The following FHIP1A variants were observed in gnomAD, a reference collection of about 807,000 sequenced individuals.
FHIP1A encodes the protein FHF complex subunit HOOK-interacting protein 1A.
A neutral mutation model predicts 88.6 loss-of-function variants in FHIP1A; 61 were observed. The observed-to-expected ratio is 0.69, with a 90% CI of 0.56 to 0.85. The LOEUF (loss-of-function observed/expected upper bound fraction) is 0.85. FHIP1A is among the 40% of genes least tolerant of loss of function. The pLI, the probability that FHIP1A is intolerant of heterozygous loss-of-function variation, is 0.00. For synonymous variants in FHIP1A, 478 were observed against 496.0 expected (o/e 0.96, Z 0.48); for missense variants, 1,154 against 1,273.5 (o/e 0.91, Z 1.43).
chr4:151,659,754 C>A (rs575079263), intron 13 of FHIP1A, among the ~76,000 whole-genome samples: 33 of 152,304 alleles, frequency 2.2e-4, no homozygotes, highest in South Asian at 1.0e-3. Context: ...ATTATGCAGG[C>A]CCTGCATTCC....
intron 3 of FHIP1A, among the ~76,000 whole-genome samples, chr4:151,501,562 T>G (rs1730648955): frequency 6.6e-6 from 1 of 151,838 alleles, no homozygotes; most frequent in Non-Finnish European, 1.5e-5. Context: ...AAAGAAATTT[T>G]TTTGTTTTCT....
intron 3 of FHIP1A, among the ~76,000 whole-genome samples, chr4:151,521,746 A>T (rs1731454915): frequency 6.6e-6 from 1 of 151,988 alleles, no homozygotes; most frequent in Non-Finnish European, 1.5e-5. Flanking sequence ...TTTATTCAAG[A>T]CAGGGTCTTG....
chr4:151,461,472 C>G (rs1729139314), intron 2 of FHIP1A, among the ~76,000 whole-genome samples: 1 of 151,934 alleles, frequency 6.6e-6, no homozygotes, highest in Non-Finnish European at 1.5e-5. Context: ...TTTCAAATAG[C>G]TAGAAGGTAA....
chr4:151,547,075 G>A (rs993111831), intron 3 of FHIP1A, among the ~76,000 whole-genome samples: 1 of 152,096 alleles, frequency 6.6e-6, no homozygotes, highest in Non-Finnish European at 1.5e-5. Flanking sequence ...ACTGCTACTC[G>A]GAAACCAGGA....
intron 2 of FHIP1A, among the ~76,000 whole-genome samples, chr4:151,455,725 A>G (rs1728944467): frequency 6.6e-6 from 1 of 152,204 alleles, no homozygotes; most frequent in African/African-American, 2.4e-5. Context: ...TATTACACAG[A>G]ATATAGCACT....
intron 13 of FHIP1A, among the ~76,000 whole-genome samples, chr4:151,661,626 T>C (rs554378491): frequency 6.6e-6 from 1 of 152,196 alleles, no homozygotes; most frequent in East Asian, 1.9e-4. Flanking sequence ...GAGGAAGACA[T>C]AAATAATTCC....
At chr4:151,633,749 C>T (rs1736243485) in intron 8 of FHIP1A, among the ~76,000 whole-genome samples, 1 of 151,840 alleles carries the variant, frequency 6.6e-6, no homozygotes, top group South Asian at 2.1e-4. Flanking sequence ...TGACAAATTC[C>T]ACACCCTTTC....
Position 151,638,738 on chromosome 4 carries a change from T to C in FHIP1A, c.1208T>C (p.Met403Thr). ...TLIGLHCEDV[M>T]LQLVLRYLIP... ...ATTGGTTTACATTGTGAAGATGTGA[T>C]GTTACAGCTAGTTCTAAGGTGAGTT... The change falls in exon 9 of 14, where the codon ATG becomes ACG. Residue 403 changes from methionine (M) to threonine (T), a missense_variant. Physicochemically the swap from Met to Thr is moderately conservative, Grantham distance 81 (BLOSUM62 -1). Transcript: ENST00000435205. 1 of 1,548,710 alleles carries C rather than the reference T, an allele frequency of 6.5e-7. No homozygotes were observed. Among genetic ancestry groups the C allele is most frequent in the Non-Finnish European group, 8.7e-7 (1 of 1,144,820 alleles).
intron 2 of FHIP1A, among the ~76,000 whole-genome samples, chr4:151,458,720 G>A (rs942890621): frequency 1.3e-5 from 2 of 152,052 alleles, no homozygotes; most frequent in Non-Finnish European, 2.9e-5. Context: ...TTAATCCAGG[G>A]CTTCTTGTTG....
intron 1 of FHIP1A, among the ~76,000 whole-genome samples, chr4:151,421,609 A>G (rs924796853): frequency 2.0e-5 from 3 of 152,178 alleles, no homozygotes; most frequent in African/African-American, 7.2e-5. Flanking sequence ...AGTGCATGAC[A>G]TTCAATAAAT....
At chr4:151,548,628 C>T (rs1486967784) in intron 3 of FHIP1A, among the ~76,000 whole-genome samples, 1 of 152,144 alleles carries the variant, frequency 6.6e-6, no homozygotes, top group East Asian at 1.9e-4. Context: ...ATGTCAGAAA[C>T]TTACCCTATA....
At position 151,665,231 on chromosome 4, in the gene FHIP1A, C is replaced by T. The variant is rs1203638155; in HGVS notation, c.*2477C>T. Among the ~76,000 whole-genome samples, 1 of 152,196 alleles carries T rather than the reference C, an allele frequency of 6.6e-6. No individual in the cohort carries two copies. The highest frequency in any genetic ancestry group is 2.4e-5 in the African/African-American group (1 of 41,450). On this transcript the variant is annotated 3_prime_UTR_variant, in exon 14 of 14. Transcript: ENST00000435205. ...GGCTCAAGTGATCGTCCCGCCTTGG[C>T]CTCCCGAAGTGCTGGGATTACAGGT...
intron 3 of FHIP1A, among the ~76,000 whole-genome samples, chr4:151,530,745 C>T (rs1731844017): frequency 6.6e-6 from 1 of 152,152 alleles, no homozygotes; most frequent in South Asian, 2.1e-4. Context: ...GATTTTGGAG[C>T]AGCCAGACAG....
At chr4:151,622,968 T>C (rs1003379127) in intron 7 of FHIP1A, among the ~76,000 whole-genome samples, 3 of 152,302 alleles carry the variant, frequency 2.0e-5, no homozygotes, top group African/African-American at 4.8e-5. Flanking sequence ...AGGGTACAAG[T>C]TATGCACACA....
intron 1 of FHIP1A, among the ~76,000 whole-genome samples, chr4:151,420,699 G>A (rs1388571135): frequency 5.3e-5 from 8 of 152,300 alleles, no homozygotes; most frequent in African/African-American, 1.9e-4. Flanking sequence ...GCCTAACTCT[G>A]TATTTCCACA....
At chr4:151,464,372 T>C (rs1416494861) in intron 2 of FHIP1A, among the ~76,000 whole-genome samples, 1 of 152,214 alleles carries the variant, frequency 6.6e-6, no homozygotes, top group Non-Finnish European at 1.5e-5. Context: ...CAGAGAAAGC[T>C]GAACTTCTGG....
chr4:151,573,442 A>T (rs1733672475), intron 4 of FHIP1A, among the ~76,000 whole-genome samples: 3 of 152,174 alleles, frequency 2.0e-5, no homozygotes, highest in Non-Finnish European at 4.4e-5. Context: ...TGAGGTGTTG[A>T]TTAGTTTTTT....
At chr4:151,504,777 A>G (rs531500103) in intron 3 of FHIP1A, among the ~76,000 whole-genome samples, 1 of 152,152 alleles carries the variant, frequency 6.6e-6, no homozygotes, top group East Asian at 1.9e-4. Flanking sequence ...ATGTGTCACC[A>G]TGCCTAATTT....
At chr4:151,502,390 A>T (rs1730685998) in intron 3 of FHIP1A, among the ~76,000 whole-genome samples, 4 of 152,084 alleles carry the variant, frequency 2.6e-5, no homozygotes, top group Admixed American at 1.3e-4. Context: ...ATGACCAAAT[A>T]GGTAATATCA....
Sources: allele counts gnomAD v4.1 joint callset (sites outside exome capture counted in the v4.1 genomes callset), GRCh38; gene constraint gnomAD v4.1.1; transcripts MANE v1.5; gene names NCBI Gene and HGNC (gene_info 2026-07-23, HGNC 2026-07-21).